Variants in MAGI2 observed in about 807,000 individuals in gnomAD.
MAGI2 encodes membrane associated guanylate kinase, WW and PDZ domain containing 2, also known as membrane-associated guanylate kinase, WW and PDZ domain-containing protein 2.
In MAGI2, 35 loss-of-function variants were observed where a neutral mutation model predicts 133.3. The observed-to-expected ratio is 0.26, with a 90% confidence interval of 0.20 to 0.35. The LOEUF (loss-of-function observed/expected upper bound fraction) is 0.35. Among genes scored for constraint, MAGI2 ranks in the 10% least tolerant of loss-of-function variants. The pLI, the probability that MAGI2 is intolerant of heterozygous loss-of-function variation, is 1.00. For synonymous variants in MAGI2, 729 were observed against 710.6 expected (o/e 1.03, Z -0.41); for missense variants, 1,636 against 1,863.4 (o/e 0.88, Z 2.25).
At chr7:79,164,293 A>ATCTGACTC (rs1415270092) in intron 1 of MAGI2, among the ~76,000 whole-genome samples, 1 of 152,056 alleles carries the variant, frequency 6.6e-6, no homozygotes, top group Non-Finnish European at 1.5e-5. Context: ...TTACTTTCCA[A>ATCTGACTC]TCTGACTCTG....
At chr7:79,408,528 A>T (rs62458990) in intron 1 of MAGI2, among the ~76,000 whole-genome samples, 13,904 of 152,126 alleles carry the variant, frequency 0.091, 873 homozygotes, top group Middle Eastern at 0.17. Context: ...TATTGTTTCC[A>T]TAAGTGAGGG....
intron 1 of MAGI2, among the ~76,000 whole-genome samples, chr7:79,389,592 T>C (rs1309986973): frequency 6.6e-6 from 1 of 152,156 alleles, no homozygotes; most frequent in Non-Finnish European, 1.5e-5. Context: ...ATCAGAAAGT[T>C]TTTCTTTTCT....
chr7:78,571,501 CT>C (rs1801496637), intron 3 of MAGI2, among the ~76,000 whole-genome samples: 1 of 152,116 alleles, frequency 6.6e-6, no homozygotes, highest in Non-Finnish European at 1.5e-5. Flanking sequence ...TTGTAGGCTA[CT>C]GGGGAAAAGT....
intron 6 of MAGI2, among the ~76,000 whole-genome samples, chr7:78,419,812 A>G (rs1463571376): frequency 6.6e-6 from 1 of 152,094 alleles, no homozygotes; most frequent in Non-Finnish European, 1.5e-5. Flanking sequence ...GACATGGATA[A>G]TGGGACACTC....
chr7:78,696,035 A>G (rs941254667), intron 2 of MAGI2, among the ~76,000 whole-genome samples: 8 of 152,138 alleles, frequency 5.3e-5, no homozygotes, highest in African/African-American at 1.7e-4. Context: ...TCCTGGGCTC[A>G]AGTGATTCTC....
At chr7:79,040,491 C>G (rs79407381) in intron 1 of MAGI2, among the ~76,000 whole-genome samples, 4,201 of 151,922 alleles carry the variant, frequency 0.028, 199 homozygotes, top group African/African-American at 0.096. Context: ...GATGAAGAGT[C>G]AGTTAATGGA....
intron 2 of MAGI2, among the ~76,000 whole-genome samples, chr7:78,866,975 C>A (rs986521375): frequency 1.3e-5 from 2 of 151,804 alleles, no homozygotes; most frequent in African/African-American, 2.4e-5. Context: ...AAATGCAAAT[C>A]AAAACCACAA....
chr7:78,940,019 G>A (rs940210397), intron 2 of MAGI2: 1 of 151,974 alleles, frequency 6.6e-6, no homozygotes, highest in Non-Finnish European at 1.5e-5. Flanking sequence ...TCTTCTTTGA[G>A]GAAAGGAAAA....
chr7:78,889,641 G>C (rs190511011), intron 2 of MAGI2, among the ~76,000 whole-genome samples: 440 of 152,260 alleles, frequency 2.9e-3, no homozygotes, highest in Non-Finnish European at 5.0e-3. Context: ...CTTCATAAGT[G>C]AAGGAGAAAT....
intron 1 of MAGI2, chr7:79,353,411 A>G (rs964480950): frequency 2.2e-5 from 10 of 453,844 alleles, no homozygotes; most frequent in Admixed American, 1.2e-4. Context: ...TCCCTTAATC[A>G]ACAACTCCCA....
intron 2 of MAGI2, among the ~76,000 whole-genome samples, chr7:78,648,692 C>T (rs922995855): frequency 6.6e-6 from 1 of 152,114 alleles, no homozygotes; most frequent in African/African-American, 2.4e-5. Context: ...TTAATGTCTA[C>T]CAGGGTGGAG....
chr7:78,672,379 T>G lies in MAGI2; in HGVS notation c.419-45140A>C, dbSNP rs1814498509. Among the ~76,000 whole-genome samples, 4 of 152,274 alleles carry G rather than the reference T, an allele frequency of 2.6e-5. No individual in the cohort carries two copies. In the South Asian group the frequency reaches 8.3e-4, roughly 32 times the overall value. ...TCCTAACCAGAAGCAAATGCTGGCA[T>G]CATGCTCCCTATACAGTCTGCAGAG... On this transcript the variant is annotated intron_variant, in intron 2 of 21. Transcript: ENST00000354212.
At chr7:79,336,789 T>C (rs756605881) in intron 1 of MAGI2, among the ~76,000 whole-genome samples, 18 of 152,098 alleles carry the variant, frequency 1.2e-4, no homozygotes, top group Non-Finnish European at 2.1e-4. Context: ...GGATCTCCTT[T>C]TTAAAGGCTG....
At chr7:78,576,240 C>T (rs4093901) in intron 3 of MAGI2, among the ~76,000 whole-genome samples, 122,211 of 151,882 alleles carry the variant, frequency 0.8, 49,313 homozygotes, top group East Asian at 0.9. Context: ...TTCAAGAATC[C>T]AGACTACTCA....
At chr7:78,076,645 G>A in intron 21 of MAGI2, among the ~76,000 whole-genome samples, 1 of 150,198 alleles carries the variant, frequency 6.7e-6, no homozygotes. Context: ...AGGAGATCGA[G>A]ACCATCCTGG....
In MAGI2 at chr7:79,056,321, G is replaced by A. The variant is rs375515223; in HGVS notation, c.302-49115C>T. Among the ~76,000 whole-genome samples the A allele has an allele frequency of 5.9e-5, 9 of 152,168 alleles. No individual in the cohort carries two copies. The East Asian group carries it at 1.2e-3, about 20-fold the overall frequency. On this transcript the variant is annotated intron_variant, in intron 1 of 21. Coordinates refer to ENST00000354212, the MANE Select transcript of MAGI2 (RefSeq NM_012301.4). Reference sequence around the variant, plus strand: ...TTCAAGGCTGCTTCAAGCTATGATCGCATCACTGCATTCCAGCCTGGTAGA... The same window carrying A: ...TTCAAGGCTGCTTCAAGCTATGATCACATCACTGCATTCCAGCCTGGTAGA...
At chr7:79,005,085 GAAAA>G (rs965503054) in intron 2 of MAGI2, among the ~76,000 whole-genome samples, 1 of 85,100 alleles carries the variant, frequency 1.2e-5, no homozygotes, top group African/African-American at 4.4e-5. Flanking sequence ...TCCATCTCAA[GAAAA>G]AAAAAAAAAA....
chr7:78,590,688 C>A (rs1472651962), intron 3 of MAGI2, among the ~76,000 whole-genome samples: 1 of 152,152 alleles, frequency 6.6e-6, no homozygotes, highest in Admixed American at 6.5e-5. Flanking sequence ...CCATTCAAGC[C>A]ACTTACCTTT....
intron 2 of MAGI2, among the ~76,000 whole-genome samples, chr7:78,841,877 A>G (rs2151464146): frequency 6.6e-6 from 1 of 152,014 alleles, no homozygotes; most frequent in South Asian, 2.1e-4. Flanking sequence ...CTGACCACCC[A>G]AGGAGCTTCT....
Sources: allele counts gnomAD v4.1 joint callset (sites outside exome capture counted in the v4.1 genomes callset), GRCh38; gene constraint gnomAD v4.1.1; transcripts MANE v1.5; gene names NCBI Gene and HGNC (gene_info 2026-07-23, HGNC 2026-07-21).